Variants in ZNF362 observed in about 807,000 individuals in gnomAD.
The protein encoded by ZNF362 is zinc finger protein 362, also known as rotund homolog.
In ZNF362, 11 loss-of-function variants were observed where a neutral mutation model predicts 42.9. The ratio of observed to expected loss-of-function variants is 0.26; its 90% CI spans 0.16 to 0.42. The LOEUF (loss-of-function observed/expected upper bound fraction) is 0.42, where lower values mean the gene tolerates loss of function less well. Ranked by LOEUF, ZNF362 falls within the 20% of genes least tolerant of loss-of-function variation. The pLI is 1.00. For synonymous variants in ZNF362, 255 were observed against 257.3 expected, an observed-to-expected ratio of 0.99 and a Z score of 0.09; for missense variants, 362 against 576.2, an observed-to-expected ratio of 0.63 and a Z score of 3.81.
chr1:33,161,542 G>A, the ZNF362 span, among the ~76,000 whole-genome samples: 1 of 152,154 alleles, frequency 6.6e-6, no homozygotes, highest in African/African-American at 2.4e-5. The surrounding 1 kb of genome is among the most constrained non-coding windows in gnomAD (Gnocchi z 4.3). Flanking sequence ...ACTGCTGGCG[G>A]TGGGCCAGCC....
the ZNF362 span, among the ~76,000 whole-genome samples, chr1:33,167,453 GA>G: frequency 1.6e-4 from 25 of 152,156 alleles, no homozygotes; most frequent in African/African-American, 4.8e-4. The surrounding 1 kb of genome is among the most constrained non-coding windows in gnomAD (Gnocchi z 4.2). Context: ...CAGGCATTGG[GA>G]ATCTAGCCCA....
the ZNF362 span, among the ~76,000 whole-genome samples, chr1:33,141,427 T>C: frequency 6.6e-6 from 1 of 152,198 alleles, no homozygotes; most frequent in South Asian, 2.1e-4. Context: ...TGCTGTGTGA[T>C]GTGGAGCTAG....
chr1:33,278,557 A>AC (rs1645967799), intron 4 of ZNF362, among the ~76,000 whole-genome samples: 1 of 152,256 alleles, frequency 6.6e-6, no homozygotes, highest in Non-Finnish European at 1.5e-5. Context: ...AATCAGATAG[A>AC]CAAAGTATGA....
the ZNF362 span, among the ~76,000 whole-genome samples, chr1:33,209,828 G>A: frequency 6.6e-6 from 1 of 151,840 alleles, no homozygotes; most frequent in African/African-American, 2.4e-5. Context: ...TTCTTTATTA[G>A]TCTTGCTAGT....
At chr1:33,282,763 A>G (rs1646004953) in intron 6 of ZNF362, among the ~76,000 whole-genome samples, 1 of 151,514 alleles carries the variant, frequency 6.6e-6, no homozygotes, top group African/African-American at 2.4e-5. Context: ...TGGAGGCTGC[A>G]GTGAGCCGAG....
intron 6 of ZNF362, among the ~76,000 whole-genome samples, chr1:33,286,400 C>G (rs1423009551): frequency 4.6e-5 from 7 of 151,174 alleles, no homozygotes; most frequent in African/African-American, 1.7e-4. Flanking sequence ...AAAAAAAAAG[C>G]AACAAAAAAT....
At chr1:33,225,297 C>T in the ZNF362 span, among the ~76,000 whole-genome samples, 5 of 152,140 alleles carry the variant, frequency 3.3e-5, no homozygotes, top group Non-Finnish European at 7.4e-5. Flanking sequence ...TACTCCTCAT[C>T]CTTCTTCCTG....
chr1:33,161,926 A>C, the ZNF362 span, among the ~76,000 whole-genome samples: 1 of 152,044 alleles, frequency 6.6e-6, no homozygotes, highest in Non-Finnish European at 1.5e-5. The surrounding 1 kb of genome is among the most constrained non-coding windows in gnomAD (Gnocchi z 4.3). Context: ...CCTCACCCTG[A>C]ACACCTGCCC....
chr1:33,233,469 T>C, the ZNF362 span, among the ~76,000 whole-genome samples: 5 of 151,856 alleles, frequency 3.3e-5, no homozygotes, highest in East Asian at 3.9e-4. Flanking sequence ...AGTGGTGCAA[T>C]CTCGGCTCAC....
At chr1:33,231,949 AGAGCCTG>A in the ZNF362 span, among the ~76,000 whole-genome samples, 1 of 152,162 alleles carries the variant, frequency 6.6e-6, no homozygotes, top group Non-Finnish European at 1.5e-5. Flanking sequence ...GTTATTGGCC[AGAGCCTG>A]GACTTGGTTC....
At chr1:33,267,439 G>A (rs1167387138) in intron 1 of ZNF362, among the ~76,000 whole-genome samples, 1 of 152,116 alleles carries the variant, frequency 6.6e-6, no homozygotes. Flanking sequence ...ATCTATACAT[G>A]CAGTTTTTAA....
At chr1:33,224,429 T>C in the ZNF362 span, among the ~76,000 whole-genome samples, 2 of 152,186 alleles carry the variant, frequency 1.3e-5, no homozygotes, top group Non-Finnish European at 2.9e-5. Flanking sequence ...ACAAATAACA[T>C]TGTGTCTCTT....
intron 2 of ZNF362, among the ~76,000 whole-genome samples, chr1:33,273,256 A>G (rs1027933441): frequency 5.3e-5 from 8 of 152,374 alleles, no homozygotes; most frequent in Non-Finnish European, 1.2e-4. Context: ...GACTAGGGTC[A>G]CTGACTGAAT....
chr1:33,141,942 A>C, the ZNF362 span: 1 of 153,352 alleles, frequency 6.5e-6, no homozygotes, highest in South Asian at 2.1e-4. Context: ...TTCAAAATAA[A>C]AGTACTTCCC....
intron 1 of ZNF362, among the ~76,000 whole-genome samples, chr1:33,265,467 G>A (rs553527308): frequency 2.0e-5 from 3 of 152,152 alleles, no homozygotes; most frequent in East Asian, 3.9e-4. Context: ...GCGGAAACCC[G>A]GTCTAATTGG....
chr1:33,128,790 C>G, the ZNF362 span, among the ~76,000 whole-genome samples: 2 of 152,180 alleles, frequency 1.3e-5, no homozygotes, highest in African/African-American at 4.8e-5. Context: ...CTTCAAGATC[C>G]ACCTCCTACT....
chr1:33,142,578 T>C, the ZNF362 span: 1 of 152,236 alleles, frequency 6.6e-6, no homozygotes, highest in Non-Finnish European at 1.5e-5. Flanking sequence ...AGAGACTTGC[T>C]CAGGGTCACA....
At chr1:33,214,486 C>T in the ZNF362 span, among the ~76,000 whole-genome samples, 9 of 152,176 alleles carry the variant, frequency 5.9e-5, no homozygotes, top group East Asian at 3.9e-4. Flanking sequence ...AAAGCAAAAA[C>T]GGACAAATGA....
At chr1:33,252,403 TTC>T (rs1172118613), upstream of ZNF362, among the ~76,000 whole-genome samples, 2 of 152,148 alleles carry the variant, frequency 1.3e-5, no homozygotes, top group Non-Finnish European at 2.9e-5. Flanking sequence ...AAACCATCTA[TTC>T]TCTTTTCTTC....
Sources: gnomAD v4.1 joint callset for allele counts (sites outside exome capture counted in the v4.1 genomes callset) on GRCh38, gnomAD v4.1.1 for gene constraint, Gnocchi (gnomAD v3.1) non-coding constraint, MANE v1.5 for transcripts, NCBI Gene and HGNC (gene_info 2026-07-23, HGNC 2026-07-21) for gene names.